ARB2A: variants seen among roughly 807,000 people sequenced by gnomAD.
ARB2A encodes the protein ARB2 cotranscriptional regulator A.
the ARB2A span, among the ~76,000 whole-genome samples, chr5:93,909,372 A>AT: frequency 6.6e-6 from 1 of 150,986 alleles, no homozygotes; most frequent in Non-Finnish European, 1.5e-5. Flanking sequence ...TAACTTGTCA[A>AT]TTATTTTTAT....
the ARB2A span, among the ~76,000 whole-genome samples, chr5:93,750,887 T>C: frequency 6.6e-6 from 1 of 152,158 alleles, no homozygotes; most frequent in African/African-American, 2.4e-5. Flanking sequence ...GAAGTTTAGC[T>C]AGTATTTCAT....
chr5:93,985,808 C>T, the ARB2A span, among the ~76,000 whole-genome samples: 16 of 152,338 alleles, frequency 1.1e-4, no homozygotes. Flanking sequence ...CTTGGCCTCC[C>T]AAAGTGCTGA....
chr5:94,039,743 T>A, the ARB2A span, among the ~76,000 whole-genome samples: 33 of 152,086 alleles, frequency 2.2e-4, no homozygotes, highest in Non-Finnish European at 4.6e-4. Context: ...TCCTGTAACA[T>A]CTTTCTGGCA....
chr5:94,038,503 T>C, the ARB2A span, among the ~76,000 whole-genome samples: 4 of 152,092 alleles, frequency 2.6e-5, no homozygotes, highest in Non-Finnish European at 5.9e-5. Context: ...ATATACATAT[T>C]AGCAAAAGCA....
chr5:93,965,840 A>G, the ARB2A span, among the ~76,000 whole-genome samples: 1 of 152,058 alleles, frequency 6.6e-6, no homozygotes, highest in African/African-American at 2.4e-5. Context: ...GCTTTCTTCA[A>G]GGAGTCCAAA....
chr5:93,743,851 A>C, the ARB2A span, among the ~76,000 whole-genome samples: 1 of 151,940 alleles, frequency 6.6e-6, no homozygotes, highest in South Asian at 2.1e-4. Context: ...TATTTTTAGT[A>C]GAGACTGGGT....
At chr5:93,668,111 T>C in the ARB2A span, among the ~76,000 whole-genome samples, 3 of 152,184 alleles carry the variant, frequency 2.0e-5, no homozygotes, top group Admixed American at 2.0e-4. Flanking sequence ...TTTAAAAAAA[T>C]TATTATTATA....
the ARB2A span, among the ~76,000 whole-genome samples, chr5:93,872,931 GA>G: frequency 6.6e-6 from 1 of 151,220 alleles, no homozygotes; most frequent in Non-Finnish European, 1.5e-5. Context: ...AAAAAAGAAA[GA>G]AAAAAAATAA....
At chr5:93,971,297 G>A in the ARB2A span, among the ~76,000 whole-genome samples, 3 of 152,090 alleles carry the variant, frequency 2.0e-5, no homozygotes, top group African/African-American at 7.2e-5. Context: ...GCCAGGCACG[G>A]TGGGTCACAC....
At chr5:94,070,835 C>T in the ARB2A span, among the ~76,000 whole-genome samples, 10 of 151,782 alleles carry the variant, frequency 6.6e-5, no homozygotes, top group African/African-American at 2.2e-4. Flanking sequence ...CAAATTAAAC[C>T]ACATAGAAAC....
the ARB2A span, among the ~76,000 whole-genome samples, chr5:93,951,209 C>T: frequency 2.6e-5 from 4 of 151,946 alleles, no homozygotes; most frequent in African/African-American, 9.7e-5. Context: ...GTTGTTTGAG[C>T]TCCTTATATA....
the ARB2A span, among the ~76,000 whole-genome samples, chr5:94,040,796 T>C: frequency 6.6e-6 from 1 of 152,136 alleles, no homozygotes; most frequent in Non-Finnish European, 1.5e-5. Flanking sequence ...TTGAAACTCC[T>C]GGTGGGAGGT....
the ARB2A span, among the ~76,000 whole-genome samples, chr5:94,073,418 G>A: frequency 6.6e-6 from 1 of 152,008 alleles, no homozygotes; most frequent in Non-Finnish European, 1.5e-5. Context: ...AAGATCCAGA[G>A]AAGTTAAGCA....
chr5:94,111,212 G>A, the ARB2A span, among the ~76,000 whole-genome samples: 1 of 152,120 alleles, frequency 6.6e-6, no homozygotes, highest in Non-Finnish European at 1.5e-5. Context: ...AAGCGGAGGA[G>A]GGCCCATTAC....
At chr5:93,803,713 T>TAA in the ARB2A span, among the ~76,000 whole-genome samples, 820 of 141,344 alleles carry the variant, frequency 5.8e-3, 14 homozygotes, top group South Asian at 0.025. Flanking sequence ...ACTTAAAAGT[T>TAA]AAAAAAAAAA....
the ARB2A span, among the ~76,000 whole-genome samples, chr5:93,644,219 T>TA: frequency 6.6e-6 from 1 of 152,226 alleles, no homozygotes; most frequent in African/African-American, 2.4e-5. Context: ...TACTAGAATA[T>TA]AAGCCAGTTG....
the ARB2A span, among the ~76,000 whole-genome samples, chr5:93,931,121 T>C: frequency 7.2e-5 from 11 of 152,178 alleles, no homozygotes; most frequent in Non-Finnish European, 1.6e-4. Flanking sequence ...TTGCTGAGGA[T>C]GATGGCTTCC....
the ARB2A span, among the ~76,000 whole-genome samples, chr5:93,883,298 T>C: frequency 6.6e-6 from 1 of 151,570 alleles, no homozygotes; most frequent in Non-Finnish European, 1.5e-5. Context: ...CCACCACCCA[T>C]TCTTCAACAG....
chr5:94,070,478 A>G, the ARB2A span, among the ~76,000 whole-genome samples: 1 of 152,172 alleles, frequency 6.6e-6, no homozygotes, highest in Admixed American at 6.5e-5. Flanking sequence ...AGATAGCTAG[A>G]AGAGAGGACT....
Sources: allele counts gnomAD v4.1 joint callset (sites outside exome capture counted in the v4.1 genomes callset), GRCh38; gene constraint gnomAD v4.1.1; transcripts MANE v1.5; gene names NCBI Gene and HGNC (gene_info 2026-07-23, HGNC 2026-07-21).